NALF1: variants seen among roughly 807,000 people sequenced by gnomAD.
The protein encoded by NALF1 is family with sequence similarity 155 member A.
A neutral mutation model predicts 48.4 loss-of-function variants in NALF1; 3 were observed. That is an observed-to-expected ratio of 0.06 (90% confidence interval 0.03 to 0.16). NALF1 has a LOEUF of 0.16. NALF1 is among the 10% of genes least tolerant of loss of function. The pLI is 1.00. For synonymous variants in NALF1, 262 were observed against 245.7 expected (o/e 1.07, Z -0.62); for missense variants, 526 against 571.5 (o/e 0.92, Z 0.81).
chr13:107,446,558 A>G (rs1884654734), intron 1 of NALF1, among the ~76,000 whole-genome samples: 1 of 152,166 alleles, frequency 6.6e-6, no homozygotes, highest in Non-Finnish European at 1.5e-5. Flanking sequence ...ATTTCATGGC[A>G]GCATAGAATA....
intron 2 of NALF1, among the ~76,000 whole-genome samples, chr13:107,178,046 A>G (rs532642645): frequency 6.7e-6 from 1 of 150,076 alleles, no homozygotes; most frequent in East Asian, 1.9e-4. Context: ...GACTGTCTCA[A>G]AAAAAAAAAG....
At chr13:107,366,264 A>C (rs1413250887) in intron 1 of NALF1, among the ~76,000 whole-genome samples, 1 of 152,218 alleles carries the variant, frequency 6.6e-6, no homozygotes, top group Non-Finnish European at 1.5e-5. Context: ...TTAATACAAA[A>C]AAAATAGGTT....
intron 1 of NALF1, among the ~76,000 whole-genome samples, chr13:107,423,070 C>T (rs976885388): frequency 1.1e-4 from 16 of 152,172 alleles, no homozygotes; most frequent in African/African-American, 3.6e-4. Context: ...CTCACCCCTA[C>T]ATTCGTGTTC....
intron 1 of NALF1, among the ~76,000 whole-genome samples, chr13:107,609,615 G>A (rs901490996): frequency 6.6e-6 from 1 of 152,106 alleles, no homozygotes; most frequent in Non-Finnish European, 1.5e-5. Flanking sequence ...TGTCCCTGTG[G>A]GTCTCCGCAA....
At chr13:107,399,398 C>A (rs527740888) in intron 1 of NALF1, among the ~76,000 whole-genome samples, 46 of 152,122 alleles carry the variant, frequency 3.0e-4, no homozygotes, top group African/African-American at 1.1e-3. Context: ...ACGCATCTAA[C>A]CTATACTGTA....
At chr13:107,342,595 T>A (rs115373563) in intron 1 of NALF1, among the ~76,000 whole-genome samples, 1 of 152,154 alleles carries the variant, frequency 6.6e-6, no homozygotes. Flanking sequence ...ATGCCATTTG[T>A]TACATCAATA....
chr13:107,330,807 T>A (rs1320722179), intron 1 of NALF1, among the ~76,000 whole-genome samples: 1 of 152,230 alleles, frequency 6.6e-6, no homozygotes, highest in Non-Finnish European at 1.5e-5. Flanking sequence ...AGGAACACCA[T>A]AGAATGCTCA....
intron 2 of NALF1, among the ~76,000 whole-genome samples, chr13:107,172,347 T>G (rs1878824912): frequency 1.3e-5 from 2 of 152,226 alleles, no homozygotes; most frequent in African/African-American, 4.8e-5. Flanking sequence ...AAACTATACA[T>G]TCTTAGTTTT....
intron 1 of NALF1, among the ~76,000 whole-genome samples, chr13:107,370,019 T>C (rs1444830541): frequency 1.3e-5 from 2 of 152,214 alleles, no homozygotes; most frequent in African/African-American, 4.8e-5. Flanking sequence ...AAACTCGTCA[T>C]GGAAAGCTTG....
At chr13:107,629,060 ACAACCACACAG>A (rs1879760939) in intron 1 of NALF1, among the ~76,000 whole-genome samples, 1 of 152,198 alleles carries the variant, frequency 6.6e-6, no homozygotes, top group Non-Finnish European at 1.5e-5. Flanking sequence ...TTGTACTCTT[ACAACCACACAG>A]TGTTGTGCCT....
chr13:107,277,251 C>T (rs1019963467), intron 1 of NALF1, among the ~76,000 whole-genome samples: 6 of 152,020 alleles, frequency 3.9e-5, no homozygotes, highest in Non-Finnish European at 8.8e-5. Flanking sequence ...ATCTTAATTA[C>T]TTGTGTCTCC....
At chr13:107,720,625 A>C (rs915149946) in intron 1 of NALF1, among the ~76,000 whole-genome samples, 1 of 152,080 alleles carries the variant, frequency 6.6e-6, no homozygotes, top group African/African-American at 2.4e-5. Context: ...TTGAACACCT[A>C]AACTATTGAA....
chr13:107,334,358 C>A (rs1275081230), intron 1 of NALF1, among the ~76,000 whole-genome samples: 1 of 152,180 alleles, frequency 6.6e-6, no homozygotes, highest in African/African-American at 2.4e-5. Flanking sequence ...AAGGCTGAGG[C>A]CCAGCTTAGC....
chr13:107,392,308 C>T (rs192910251), intron 1 of NALF1, among the ~76,000 whole-genome samples: 3 of 152,194 alleles, frequency 2.0e-5, no homozygotes, highest in East Asian at 3.9e-4. Flanking sequence ...AAGTGCATCA[C>T]CAGCACAACT....
intron 1 of NALF1, among the ~76,000 whole-genome samples, chr13:107,778,539 G>A (rs929639883): frequency 6.6e-6 from 1 of 152,198 alleles, no homozygotes; most frequent in East Asian, 1.9e-4. Flanking sequence ...GTCAATGGCT[G>A]GCAGTCTGTT....
At chr13:107,404,906 T>C (rs141640642) in intron 1 of NALF1, among the ~76,000 whole-genome samples, 36 of 152,232 alleles carry the variant, frequency 2.4e-4, no homozygotes, top group African/African-American at 8.2e-4. Context: ...AGTCACTCAA[T>C]AAAGTTTCAT....
intron 1 of NALF1, among the ~76,000 whole-genome samples, chr13:107,344,710 C>T (rs1444967968): frequency 1.3e-5 from 2 of 152,144 alleles, no homozygotes; most frequent in African/African-American, 2.4e-5. Flanking sequence ...ATGAAAAGGA[C>T]ACAGGTATCA....
At chr13:107,551,031 T>C (rs1877277914) in intron 1 of NALF1, among the ~76,000 whole-genome samples, 1 of 152,150 alleles carries the variant, frequency 6.6e-6, no homozygotes, top group Admixed American at 6.5e-5. Context: ...ACCTGATTTT[T>C]TCCTGAAATC....
chr13:107,256,909 A>G (rs1257562411), intron 1 of NALF1, among the ~76,000 whole-genome samples: 1 of 152,188 alleles, frequency 6.6e-6, no homozygotes, highest in Non-Finnish European at 1.5e-5. Context: ...GATGCATCTA[A>G]GTCTGTTGTT....
Sources: gnomAD v4.1 joint callset for allele counts (sites outside exome capture counted in the v4.1 genomes callset) on GRCh38, gnomAD v4.1.1 for gene constraint, MANE v1.5 for transcripts, NCBI Gene and HGNC (gene_info 2026-07-23, HGNC 2026-07-21) for gene names.